The following FGF12 variants were observed in gnomAD, a reference collection of about 807,000 sequenced individuals.
FGF12 encodes the protein fibroblast growth factor 12.
FGF12 carries 14 observed loss-of-function variants against 23.6 expected under a neutral mutation model. The observed-to-expected ratio is 0.59, with a 90% CI of 0.39 to 0.93. The LOEUF is 0.93. FGF12 is among the 40% of genes least tolerant of loss of function. The pLI, the probability that FGF12 is intolerant of heterozygous loss-of-function variation, is 0.00. For missense variants in FGF12, 175 were observed against 217.8 expected (o/e 0.80, Z 1.24); for synonymous variants, 62 against 77.3 (o/e 0.80, Z 1.04).
At chr3:192,516,207 C>A (rs868312204) in intron 2 of FGF12, among the ~76,000 whole-genome samples, 4 of 152,200 alleles carry the variant, frequency 2.6e-5, no homozygotes, top group Admixed American at 6.5e-5. Flanking sequence ...TAGACCCCAC[C>A]TGTAGGGTTG....
chr3:192,158,231 C>T (rs72625048), intron 5 of FGF12, among the ~76,000 whole-genome samples: 1 of 151,952 alleles, frequency 6.6e-6, no homozygotes, highest in African/African-American at 2.4e-5. Context: ...TTATTTCACA[C>T]CTTCCCCTTG....
At chr3:192,317,943 C>T (rs1408451160) in intron 4 of FGF12, among the ~76,000 whole-genome samples, 1 of 152,102 alleles carries the variant, frequency 6.6e-6, no homozygotes, top group East Asian at 1.9e-4. Flanking sequence ...AGGGTGTCTG[C>T]GTGGTGATCC....
chr3:192,557,129 G>T (rs1711815923), intron 2 of FGF12, among the ~76,000 whole-genome samples: 1 of 151,528 alleles, frequency 6.6e-6, no homozygotes. Flanking sequence ...AACCTTAATG[G>T]TATACCTGAA....
At chr3:192,274,326 T>C (rs1713640913) in intron 4 of FGF12, among the ~76,000 whole-genome samples, 1 of 152,182 alleles carries the variant, frequency 6.6e-6, no homozygotes, top group South Asian at 2.1e-4. Context: ...CAGTGACAAG[T>C]ATTTATGTAT....
At chr3:192,632,187 G>A (rs1715414052) in intron 2 of FGF12, among the ~76,000 whole-genome samples, 1 of 152,186 alleles carries the variant, frequency 6.6e-6, no homozygotes, top group Non-Finnish European at 1.5e-5. Context: ...CAAATGAGAA[G>A]TGTGACTTTC....
rs370066580 is a variant in FGF12, at chr3:192,504,577, G to A, written c.14-144039C>T. On this transcript the variant is annotated intron_variant, in intron 2 of 5. Coordinates refer to ENST00000445105, the MANE Select transcript of FGF12 (RefSeq NM_004113.6). ...GTGAGATCGGGGGGAAATTGAACAC[G>A]TGAAGTGTAGCCTGTTGTTTCTTTC... Among the ~76,000 whole-genome samples the A allele has an allele frequency of 2.6e-5, 4 of 152,270 alleles. No individual in the cohort carries two copies. In the East Asian group the frequency reaches 5.8e-4, roughly 22 times the overall value.
At chr3:192,657,347 G>A (rs1716466170) in intron 2 of FGF12, among the ~76,000 whole-genome samples, 1 of 151,012 alleles carries the variant, frequency 6.6e-6, no homozygotes, top group South Asian at 2.1e-4. Flanking sequence ...TTTTCTGTCT[G>A]ATTTTTATCA....
intron 4 of FGF12, among the ~76,000 whole-genome samples, chr3:192,279,632 C>T (rs112233549): frequency 1.3e-5 from 2 of 152,024 alleles, no homozygotes; most frequent in Non-Finnish European, 2.9e-5. Flanking sequence ...GCAAAGCCAG[C>T]GTCTACACCA....
At chr3:192,144,475 A>C (rs1334603823) in intron 5 of FGF12, among the ~76,000 whole-genome samples, 1 of 152,178 alleles carries the variant, frequency 6.6e-6, no homozygotes, top group African/African-American at 2.4e-5. Flanking sequence ...CTTAGTCTGC[A>C]GTCTAATTCG....
At chr3:192,554,356 G>A (rs1577051000) in intron 2 of FGF12, among the ~76,000 whole-genome samples, 1 of 152,238 alleles carries the variant, frequency 6.6e-6, no homozygotes, top group East Asian at 1.9e-4. Flanking sequence ...TTTACTAGAA[G>A]CCACTGAGAG....
chr3:192,194,300 T>C (rs1422787115), intron 4 of FGF12, among the ~76,000 whole-genome samples: 1 of 152,154 alleles, frequency 6.6e-6, no homozygotes, highest in Non-Finnish European at 1.5e-5. Flanking sequence ...ACCCAGTGAT[T>C]AGTATTTTCT....
intron 2 of FGF12, among the ~76,000 whole-genome samples, chr3:192,703,842 C>A (rs550506253): frequency 6.6e-6 from 1 of 152,308 alleles, no homozygotes; most frequent in South Asian, 2.1e-4. Flanking sequence ...GTTCCTCCTA[C>A]AGGATTGCAT....
chr3:192,182,423 G>A (rs1476042333), intron 4 of FGF12, among the ~76,000 whole-genome samples: 1 of 152,026 alleles, frequency 6.6e-6, no homozygotes, highest in Non-Finnish European at 1.5e-5. Context: ...TACTTACCCA[G>A]GCTCACAAAA....
intron 4 of FGF12, among the ~76,000 whole-genome samples, chr3:192,185,065 A>G (rs1277895946): frequency 6.6e-6 from 1 of 152,142 alleles, no homozygotes; most frequent in African/African-American, 2.4e-5. Context: ...TGCAAATCCA[A>G]ATCTCTCCTG....
rs146492049 is a variant in FGF12 at position 192,197,463 on chromosome 3, T to C, written c.229-26807A>G. Among the ~76,000 whole-genome samples, 25 of 152,340 alleles carry C rather than the reference T, an allele frequency of 1.6e-4. No individual in the cohort carries two copies. In the East Asian group the frequency reaches 3.1e-3, roughly 19 times the overall value. On this transcript the variant is annotated intron_variant, in intron 4 of 5. Transcript: ENST00000445105. ...GTGTTGTTATATCTCCTTTTTTGTCTAGCTTTTATAAAATGATCTAGATTA... is the reference window on the plus strand; with the variant it reads ...GTGTTGTTATATCTCCTTTTTTGTCCAGCTTTTATAAAATGATCTAGATTA...
intron 4 of FGF12, among the ~76,000 whole-genome samples, chr3:192,246,422 TAC>T (rs1192244150): frequency 5.3e-5 from 8 of 152,300 alleles, no homozygotes; most frequent in Middle Eastern, 3.4e-3. Flanking sequence ...TAGATAGATA[TAC>T]ACTTTCCTTG....
intron 2 of FGF12, among the ~76,000 whole-genome samples, chr3:192,402,279 G>A (rs1288644946): frequency 6.6e-6 from 1 of 152,160 alleles, no homozygotes; most frequent in Non-Finnish European, 1.5e-5. Context: ...TATCCCATGT[G>A]GCACCCCTTC....
chr3:192,446,908 C>T (rs1444819635), intron 2 of FGF12, among the ~76,000 whole-genome samples: 1 of 152,190 alleles, frequency 6.6e-6, no homozygotes, highest in Non-Finnish European at 1.5e-5. Context: ...CACTCCCGTC[C>T]ACCATCACGT....
At chr3:192,643,045 C>G (rs1358882169) in intron 2 of FGF12, among the ~76,000 whole-genome samples, 1 of 152,212 alleles carries the variant, frequency 6.6e-6, no homozygotes, top group Non-Finnish European at 1.5e-5. Flanking sequence ...TTAAGTGTTT[C>G]TTCATGGAAT....
Sources: gnomAD v4.1 joint callset for allele counts (sites outside exome capture counted in the v4.1 genomes callset) on GRCh38, gnomAD v4.1.1 for gene constraint, MANE v1.5 for transcripts, NCBI Gene and HGNC (gene_info 2026-07-23, HGNC 2026-07-21) for gene names.